MAP2K4: variants seen among roughly 807,000 people sequenced by gnomAD.
MAP2K4 encodes the protein dual specificity mitogen-activated protein kinase kinase 4.
Under a neutral mutation model 48.5 loss-of-function variants are expected in MAP2K4, and 4 were observed. The observed-to-expected ratio is 0.08, with a 90% CI of 0.04 to 0.19. The LOEUF (loss-of-function observed/expected upper bound fraction) is 0.19, where lower values mean the gene tolerates loss of function less well. Ranked by LOEUF, MAP2K4 falls within the 10% of genes least tolerant of loss-of-function variation. The pLI is 1.00. For missense variants in MAP2K4, 258 were observed against 493.3 expected (o/e 0.52, Z 4.52); for synonymous variants, 166 against 173.1 (o/e 0.96, Z 0.32).
rs1973394790 is a variant in MAP2K4 at position 12,142,131 on chromosome 17, G to A, written c.*871G>A. On this transcript the variant is annotated 3_prime_UTR_variant, in exon 11 of 11. Transcript: ENST00000353533. ...AGAAGAAAACAGTACAGAAGGCAAA[G>A]TTTACAGATGTTTTTAATTCTAGTA... The A allele has an allele frequency of 4.3e-6, 1 of 233,502 alleles. No individual in the cohort carries two copies. Among genetic ancestry groups the A allele is most frequent in the East Asian group, 6.0e-5 (1 of 16,576 alleles). The allele number at this position is 233,502 out of a possible 1,614,324, so 14.5% of individuals were successfully genotyped here.
At chr17:12,047,985 A>T (rs530575661) in intron 1 of MAP2K4, among the ~76,000 whole-genome samples, 1 of 152,270 alleles carries the variant, frequency 6.6e-6, no homozygotes, top group South Asian at 2.1e-4. Context: ...GACATCTTGG[A>T]AAAGAATTTT....
intron 2 of MAP2K4, among the ~76,000 whole-genome samples, chr17:12,075,653 G>C (rs2151543639): frequency 6.6e-6 from 1 of 152,286 alleles, no homozygotes; most frequent in East Asian, 1.9e-4. Context: ...TCTAGCAGTT[G>C]AAAAGAATGA....
At chr17:12,087,546 C>T (rs35452991) in intron 3 of MAP2K4, among the ~76,000 whole-genome samples, 25,590 of 151,828 alleles carry the variant, frequency 0.17, 2,536 homozygotes, top group South Asian at 0.3. Context: ...TCTGATAATA[C>T]GTAGCAGAAG....
intron 1 of MAP2K4, among the ~76,000 whole-genome samples, chr17:12,043,344 T>A (rs1038870144): frequency 5.3e-5 from 8 of 152,164 alleles, no homozygotes; most frequent in African/African-American, 1.9e-4. Context: ...CTTGAGGTGT[T>A]TTCTGACACC....
chr17:12,021,680 G>C (rs1248236453), intron 1 of MAP2K4, among the ~76,000 whole-genome samples: 2 of 150,136 alleles, frequency 1.3e-5, no homozygotes, highest in Admixed American at 6.6e-5. Flanking sequence ...ATTGGCCTGG[G>C]AGAGGCATTT....
chr17:12,074,004 C>T (rs1970911196), intron 2 of MAP2K4, among the ~76,000 whole-genome samples: 1 of 152,260 alleles, frequency 6.6e-6, no homozygotes, highest in East Asian at 1.9e-4. Context: ...AAACTCCCGA[C>T]CTCGTGATTC....
intron 7 of MAP2K4, among the ~76,000 whole-genome samples, chr17:12,113,925 G>A (rs1287442240): frequency 1.3e-5 from 2 of 152,090 alleles, no homozygotes; most frequent in Non-Finnish European, 2.9e-5. Flanking sequence ...TGCATACAGT[G>A]TTCCTACAGC....
rs201867154 is a variant in MAP2K4 at position 12,071,785 on chromosome 17, G to A, written c.219-9571G>A. The stretch of plus-strand genomic sequence containing the variant: ...AAGGTACACACCAATGTATAGACCA[G>A]TGAACCTGAGATTTGGCTTTTGTTG... On this transcript the variant is annotated intron_variant, in intron 2 of 10. Coordinates refer to ENST00000353533, the MANE Select transcript of MAP2K4 (RefSeq NM_003010.4). 2.0e-3 allele frequency among the ~76,000 whole-genome samples: 305 copies of A among 152,220 alleles called. 4 individuals are homozygous for A. Among genetic ancestry groups the A allele is most frequent in the East Asian group, 2.1e-3 (11 of 5,174 alleles).
intron 3 of MAP2K4, among the ~76,000 whole-genome samples, chr17:12,091,553 C>G (rs1787): frequency 0.17 from 25,632 of 152,064 alleles, 2,539 homozygotes; most frequent in South Asian, 0.3. Flanking sequence ...AAAAAATACG[C>G]TTTTTGGAAT....
rs2151598578 is a variant in MAP2K4, at chr17:12,139,839, C to A, written c.1041C>A (p.Cys347Ter). Residue 347 changes from cysteine (C) to a stop codon, truncating the protein, a stop_gained and splice_region_variant, in exon 10 of 11, where the codon TGC (cysteine) becomes TGA (stop). Transcript: ENST00000353533. LOFTEE classifies it high-confidence loss of function. ...SPSFINFVNL[C>*]LTKDESKRPK... ...TAATGTTATTTTTATGTTATTTTAGCCTTACGAAGGATGAATCCAAAAGGC... is the reference window on the plus strand; with the variant it reads ...TAATGTTATTTTTATGTTATTTTAGACTTACGAAGGATGAATCCAAAAGGC... The A allele has an allele frequency of 6.2e-7, 1 of 1,600,152 alleles. No individual in the cohort carries two copies. The highest frequency in any genetic ancestry group is 8.5e-7 in the Non-Finnish European group (1 of 1,170,186).
At chr17:12,038,246 G>A (rs923182175) in intron 1 of MAP2K4, among the ~76,000 whole-genome samples, 2 of 152,076 alleles carry the variant, frequency 1.3e-5, no homozygotes, top group African/African-American at 4.8e-5. Flanking sequence ...ATGGTTTTCA[G>A]ATAAGGTGTA....
chr17:12,078,996 G>T (rs917887431), intron 2 of MAP2K4, among the ~76,000 whole-genome samples: 1 of 152,144 alleles, frequency 6.6e-6, no homozygotes. Flanking sequence ...TTTTTCTGTG[G>T]TTTTTACAGC....
intron 5 of MAP2K4, 137 bp from the exon 6 acceptor site, chr17:12,110,238 A>T: frequency 1.5e-6 from 1 of 664,996 alleles, no homozygotes; most frequent in Non-Finnish European, 2.6e-6. Flanking sequence ...TTGGTTAACA[A>T]GAAATGACAA....
intron 2 of MAP2K4, among the ~76,000 whole-genome samples, chr17:12,064,460 A>G (rs1035418811): frequency 6.6e-6 from 1 of 152,374 alleles, no homozygotes; most frequent in Admixed American, 6.5e-5. Context: ...GATGATAAGT[A>G]TATGAGAAAC....
chr17:12,143,689 C>CT lies in MAP2K4; in HGVS notation c.*2433dup, dbSNP rs1973446351. ...GAAGTGTTTATGTAATAGTTCTATC[C>CT]TTTTGCCTGCAGGTCAGTTGTAATA... On this transcript the variant is annotated 3_prime_UTR_variant, in exon 11 of 11. Transcript: ENST00000353533. 2 of 230,428 alleles carry CT rather than the reference C, an allele frequency of 8.7e-6. No individual in the cohort carries two copies. The highest frequency in any genetic ancestry group is 1.2e-4 in the East Asian group (2 of 16,118). The allele number at this position is 230,428 out of a possible 1,614,324, so 14.3% of individuals were successfully genotyped here. A position where few individuals can be genotyped will look rare whatever the true frequency, so the allele number is the denominator to read the frequency against.
intron 7 of MAP2K4, among the ~76,000 whole-genome samples, chr17:12,116,041 C>G (rs948219207): frequency 5.9e-5 from 9 of 152,198 alleles, no homozygotes; most frequent in Admixed American, 4.6e-4. Flanking sequence ...GTTACATGAA[C>G]TGTGCACTGA....
intron 4 of MAP2K4, among the ~76,000 whole-genome samples, chr17:12,099,088 C>G (rs900410500): frequency 6.6e-6 from 1 of 151,894 alleles, no homozygotes; most frequent in Admixed American, 6.6e-5. Context: ...GTCTCCAGTT[C>G]CGTATTCTGT....
intron 1 of MAP2K4, among the ~76,000 whole-genome samples, chr17:12,036,007 G>A (rs1969585381): frequency 6.6e-6 from 1 of 152,120 alleles, no homozygotes; most frequent in Admixed American, 6.6e-5. Context: ...TGCACAAATA[G>A]CGATTACATA....
At chr17:12,096,255 T>A (rs994061153) in intron 4 of MAP2K4, among the ~76,000 whole-genome samples, 2 of 152,140 alleles carry the variant, frequency 1.3e-5, no homozygotes, top group Non-Finnish European at 2.9e-5. Flanking sequence ...TTATCCAGAT[T>A]TTTGTGTAGA....
Sources: gnomAD v4.1 joint callset for allele counts (sites outside exome capture counted in the v4.1 genomes callset) on GRCh38, gnomAD v4.1.1 for gene constraint, MANE v1.5 for transcripts, NCBI Gene and HGNC (gene_info 2026-07-23, HGNC 2026-07-21) for gene names.